The following UGP2 variants were observed in gnomAD, a reference collection of about 807,000 sequenced individuals.
UGP2 encodes UDP-glucose pyrophosphorylase 2.
In UGP2, 40 loss-of-function variants were observed where a neutral mutation model predicts 49.0. The observed-to-expected ratio is 0.82, with a 90% CI of 0.63 to 1.06. The LOEUF is 1.06. Among genes scored for constraint, UGP2 ranks in the 50% least tolerant of loss-of-function variants. UGP2 has a pLI of 0.00. For synonymous variants in UGP2, 225 were observed against 213.0 expected (o/e 1.06, Z -0.49); for missense variants, 460 against 603.5 (o/e 0.76, Z 2.49).
intron 9 of UGP2, 75 bp downstream of exon 9, chr2:63,890,260 T>C: frequency 1.8e-6 from 2 of 1,129,130 alleles, no homozygotes; most frequent in Non-Finnish European, 2.5e-6. Context: ...TAAATTTACA[T>C]TTACTTTAAG....
At chr2:63,867,966 T>C (rs1460246695) in intron 3 of UGP2, among the ~76,000 whole-genome samples, 1 of 152,206 alleles carries the variant, frequency 6.6e-6, no homozygotes, top group Non-Finnish European at 1.5e-5. Context: ...TAAACAACAT[T>C]ATGAACATGC....
At chr2:63,858,062 T>G in intron 3 of UGP2, 126 bp downstream of exon 3, 2 of 809,314 alleles carry the variant, frequency 2.5e-6, no homozygotes, top group Non-Finnish European at 3.9e-6. Context: ...TGCTTTGAAT[T>G]CTCTGACCCC....
intron 3 of UGP2, among the ~76,000 whole-genome samples, chr2:63,864,365 CTA>C (rs1670040553): frequency 6.6e-6 from 1 of 152,188 alleles, no homozygotes; most frequent in Non-Finnish European, 1.5e-5. Flanking sequence ...GAGTACATCC[CTA>C]TGTTTATCTC....
intron 7 of UGP2, among the ~76,000 whole-genome samples, chr2:63,886,944 A>T (rs529502299): frequency 6.6e-6 from 1 of 152,340 alleles, no homozygotes; most frequent in South Asian, 2.1e-4. Context: ...AGAGTTTGGC[A>T]TATGATAGGT....
At chr2:63,890,682 T>G (rs1258460942) in intron 9 of UGP2, among the ~76,000 whole-genome samples, 1 of 152,238 alleles carries the variant, frequency 6.6e-6, no homozygotes, top group East Asian at 1.9e-4. Context: ...ATATATTGAA[T>G]TTTATTGCTG....
intron 8 of UGP2, 92 bp from the exon 9 acceptor site, chr2:63,889,986 TTTC>T (rs1463848776): frequency 1.1e-5 from 10 of 942,784 alleles, no homozygotes; most frequent in Admixed American, 7.8e-5. Flanking sequence ...CCAAAAAAGG[TTTC>T]TACAGTTCAG....
rs139636523 is a variant in UGP2, at chr2:63,886,493, G to C, written c.1026G>C (p.Leu342=). 1.2e-6 allele frequency: 2 copies of C among 1,614,076 alleles called. No individual in the cohort carries two copies. The highest frequency in any genetic ancestry group is 2.7e-5 in the African/African-American group (2 of 74,952). ...LWISLAAVKR[L]QEQNAIDMEI... ...TTTCTCTTGCAGCAGTTAAAAGACT[G>C]CAGGAGCAAAATGCCATTGACATGG... The change falls in exon 7 of 10, where the codon CTG becomes CTC. Residue 342 remains leucine, a synonymous_variant. Transcript: ENST00000337130.
Position 63,843,311 on chromosome 2 carries a change from T to G in UGP2, c.19+1107T>G, listed in dbSNP as rs543547867. Among the ~76,000 whole-genome samples, 130 of 152,354 alleles carry G rather than the reference T, an allele frequency of 8.5e-4. 1 individual carries two copies. The highest frequency in any genetic ancestry group is 1.7e-3 in the Non-Finnish European group (119 of 68,026). ...TAGCGCTAAGCTCAGAAATGTCACT[T>G]GTTATTAGACTTTCAAATTCATGTT... is the stretch of plus-strand genomic sequence containing the variant. On this transcript the variant is annotated intron_variant, in intron 1 of 9. Transcript: ENST00000337130.
chr2:63,842,184 A>G lies in UGP2; in HGVS notation c.-2A>G, dbSNP rs776932715. ...GCCGGAGTATTTTACTAAGCCCCTA[A>G]AATGTCGAGATTTGTACAAGGTAAG... On this transcript the variant is annotated 5_prime_UTR_variant, in exon 1 of 10. Coordinates refer to ENST00000337130, the MANE Select transcript of UGP2 (RefSeq NM_006759.4). 1 of 1,593,654 alleles carries G rather than the reference A, an allele frequency of 6.3e-7. No individual in the cohort carries two copies.
At position 63,857,781 on chromosome 2, in the gene UGP2, A is replaced by G. The variant is rs1440112752; in HGVS notation, c.148-48A>G. 2.0e-6 allele frequency: 3 copies of G among 1,507,024 alleles called. No homozygotes were observed. In the African/African-American group the frequency reaches 4.2e-5, roughly 21 times the overall value. The allele number at this position is 1,507,024 out of a possible 1,614,324, so 93.4% of individuals were successfully genotyped here. A position where few individuals can be genotyped will look rare whatever the true frequency, so the allele number is the denominator to read the frequency against. ...TTGTATCTGTCTTTATGTTTTTATT[A>G]AATATTAAGCATTCTGCTGGTTGTA... is the stretch of plus-strand genomic sequence containing the variant. On this transcript the variant is annotated intron_variant, in intron 2 of 9. Transcript: ENST00000337130.
At chr2:63,861,744 A>G (rs1558943254) in intron 3 of UGP2, among the ~76,000 whole-genome samples, 1 of 151,952 alleles carries the variant, frequency 6.6e-6, no homozygotes, top group Non-Finnish European at 1.5e-5. Context: ...AATAGGATCA[A>G]AAGAGTGAAG....
chr2:63,871,584 C>CCA (rs1670558761), intron 3 of UGP2, among the ~76,000 whole-genome samples: 1 of 152,240 alleles, frequency 6.6e-6, no homozygotes, highest in South Asian at 2.1e-4. Context: ...CTGTGCACGG[C>CCA]CACAAAAACC....
intron 3 of UGP2, among the ~76,000 whole-genome samples, chr2:63,872,651 T>A (rs1355532769): frequency 6.6e-6 from 1 of 152,160 alleles, no homozygotes; most frequent in Non-Finnish European, 1.5e-5. Context: ...TTTTGTCAAA[T>A]GATATCATTC....
Position 63,874,906 on chromosome 2 carries a change from C to T in UGP2, c.256-7560C>T, listed in dbSNP as rs1436714748. ...CGGAGGTGCTCACCAGAAGCAGATG[C>T]TGACACCATGCTTCTTTCTTGTACA... On this transcript the variant is annotated intron_variant, in intron 3 of 9. Coordinates refer to ENST00000337130, the MANE Select transcript of UGP2 (RefSeq NM_006759.4). Among the ~76,000 whole-genome samples the T allele has an allele frequency of 1.7e-4, 26 of 152,268 alleles. 1 individual carries two copies. The highest frequency in any genetic ancestry group is 1.5e-3 in the Admixed American group (23 of 15,306).
chr2:63,890,898 T>G (rs1305760733), intron 9 of UGP2, among the ~76,000 whole-genome samples: 1 of 152,178 alleles, frequency 6.6e-6, no homozygotes, highest in Non-Finnish European at 1.5e-5. Flanking sequence ...TAGTTCTACC[T>G]CTAACAAGGA....
At chr2:63,887,744 C>G in intron 8 of UGP2, 100 bp downstream of exon 8, 1 of 1,462,076 alleles carries the variant, frequency 6.8e-7, no homozygotes, top group Non-Finnish European at 9.3e-7. Context: ...GTCTCTACCA[C>G]TGACCTGTTG....
At chr2:63,845,540 C>T (rs913540449) in intron 1 of UGP2, among the ~76,000 whole-genome samples, 3 of 148,292 alleles carry the variant, frequency 2.0e-5, no homozygotes, top group Non-Finnish European at 3.0e-5. Flanking sequence ...AAAAAAAGTG[C>T]CGGGGTGGGG....
In UGP2 at chr2:63,890,987, A is replaced by ATGTT. The variant is rs1188194535; in HGVS notation, c.1420-131_1420-128dup. ...TTTCCTTAACTGTTATTTGTTTTTC[A>ATGTT]TGTTTAATATTGTTTATAAAAAAAG... is the stretch of plus-strand genomic sequence containing the variant. On this transcript the variant is annotated intron_variant, in intron 9 of 9. Coordinates refer to ENST00000337130, the MANE Select transcript of UGP2 (RefSeq NM_006759.4). 4 of 578,948 alleles carry ATGTT rather than the reference A, an allele frequency of 6.9e-6. No homozygotes were observed. In the African/African-American group the frequency reaches 7.8e-5, roughly 11 times the overall value. The allele number at this position is 578,948 out of a possible 1,614,324, so 35.9% of individuals were successfully genotyped here.
rs570771345 is a variant in UGP2, at chr2:63,852,107, A to T, written c.20-4199A>T. On this transcript the variant is annotated intron_variant, in intron 1 of 9. Transcript: ENST00000337130. The stretch of plus-strand genomic sequence containing the variant: ...CAATCACTAGGAAGGCTTTGGACCA[A>T]TCTGGGCCTGGTGCCATCTCTGAAA... Among the ~76,000 whole-genome samples, 100 of 149,774 alleles carry T rather than the reference A, an allele frequency of 6.7e-4. 1 individual carries two copies. In the South Asian group the frequency reaches 9.5e-3, roughly 14 times the overall value.
Sources: gnomAD v4.1 joint callset for allele counts (sites outside exome capture counted in the v4.1 genomes callset) on GRCh38, gnomAD v4.1.1 for gene constraint, MANE v1.5 for transcripts, NCBI Gene and HGNC (gene_info 2026-07-23, HGNC 2026-07-21) for gene names.